LUZP2: variants seen among roughly 807,000 people sequenced by gnomAD.
LUZP2 encodes leucine zipper protein 2.
In LUZP2, 52 loss-of-function variants were observed where a neutral mutation model predicts 51.6. The ratio of observed to expected loss-of-function variants is 1.01; its 90% CI spans 0.81 to 1.27. LUZP2 has a LOEUF of 1.27. LUZP2 is among the 50% of genes most tolerant of loss of function. The pLI is 0.00. For missense variants in LUZP2, 436 were observed against 395.4 expected, an observed-to-expected ratio of 1.10 and a Z score of -0.87; for synonymous variants, 154 against 137.3, an observed-to-expected ratio of 1.12 and a Z score of -0.85.
intron 7 of LUZP2, among the ~76,000 whole-genome samples, chr11:24,963,756 C>T (rs527283032): frequency 1.2e-3 from 178 of 152,224 alleles, no homozygotes; most frequent in African/African-American, 3.6e-3. Flanking sequence ...GGCTCGTGCA[C>T]GGTGCGCTGC....
At chr11:25,031,927 A>T (rs1857700407) in intron 9 of LUZP2, among the ~76,000 whole-genome samples, 1 of 152,138 alleles carries the variant, frequency 6.6e-6, no homozygotes, top group African/African-American at 2.4e-5. Context: ...TAAAATTACC[A>T]ATCAGCTGAT....
intron 5 of LUZP2, among the ~76,000 whole-genome samples, chr11:24,814,763 C>T (rs569490960): frequency 5.7e-4 from 87 of 152,162 alleles, no homozygotes; most frequent in African/African-American, 2.1e-3. Context: ...GAGGCCAAGG[C>T]GGGTGGATCA....
At chr11:24,764,113 C>T (rs1042809210) in intron 5 of LUZP2, among the ~76,000 whole-genome samples, 10 of 152,094 alleles carry the variant, frequency 6.6e-5, no homozygotes, top group South Asian at 2.1e-4. Context: ...TGCTCACATA[C>T]GATTTAAAAC....
chr11:24,972,693 T>G (rs2133898484), intron 7 of LUZP2, among the ~76,000 whole-genome samples: 1 of 152,236 alleles, frequency 6.6e-6, no homozygotes, highest in South Asian at 2.1e-4. Context: ...TGTGGGTTTT[T>G]TTTCTTTAGT....
intron 1 of LUZP2, among the ~76,000 whole-genome samples, chr11:24,650,469 T>C (rs753062570): frequency 1.3e-5 from 2 of 152,002 alleles, no homozygotes; most frequent in Non-Finnish European, 2.9e-5. Flanking sequence ...CTATTTTGTT[T>C]ACATTTTAAA....
chr11:24,882,833 A>G (rs1852519437), intron 5 of LUZP2, among the ~76,000 whole-genome samples: 1 of 151,514 alleles, frequency 6.6e-6, no homozygotes, highest in East Asian at 1.9e-4. Flanking sequence ...GGAGGGAATG[A>G]GAAGGGAGAG....
chr11:24,543,500 A>T (rs1851442186), intron 1 of LUZP2, among the ~76,000 whole-genome samples: 1 of 152,066 alleles, frequency 6.6e-6, no homozygotes, highest in Non-Finnish European at 1.5e-5. Context: ...TTTCCATTTG[A>T]AATATGGCCT....
chr11:24,539,807 A>T (rs539166345), intron 1 of LUZP2, among the ~76,000 whole-genome samples: 205 of 152,208 alleles, frequency 1.3e-3, no homozygotes, highest in African/African-American at 4.7e-3. Context: ...ACATTTAGAA[A>T]CTAGCTTCTG....
intron 1 of LUZP2, among the ~76,000 whole-genome samples, chr11:24,498,673 C>T (rs553237508): frequency 2.0e-5 from 3 of 152,232 alleles, no homozygotes; most frequent in South Asian, 2.1e-4. Flanking sequence ...AAATACAGAG[C>T]CCATTTTAAT....
intron 1 of LUZP2, among the ~76,000 whole-genome samples, chr11:24,612,339 G>A (rs1463501999): frequency 6.6e-6 from 1 of 152,068 alleles, no homozygotes; most frequent in African/African-American, 2.4e-5. Flanking sequence ...AATATTTGTG[G>A]TAGAGGAATA....
chr11:25,039,866 AT>A (rs936475680), intron 9 of LUZP2, among the ~76,000 whole-genome samples: 8 of 152,142 alleles, frequency 5.3e-5, no homozygotes, highest in Non-Finnish European at 1.0e-4. Context: ...GTCCTTTAAA[AT>A]TTTTTTTCAA....
At chr11:24,617,794 C>T (rs185876594) in intron 1 of LUZP2, among the ~76,000 whole-genome samples, 82 of 151,588 alleles carry the variant, frequency 5.4e-4, no homozygotes, top group Admixed American at 3.6e-3. Flanking sequence ...CCACTACACT[C>T]CAGCCTAGGT....
chr11:24,738,126 A>G lies in LUZP2; in HGVS notation c.252-95A>G, dbSNP rs1859010537. 3.7e-6 allele frequency: 3 copies of G among 803,346 alleles called. 1 individual carries two copies. Among genetic ancestry groups the G allele is most frequent in the Admixed American group, 5.2e-5 (2 of 38,140 alleles). 49.8% of individuals were successfully genotyped at this position (803,346 alleles called of 1,614,324 possible). On this transcript the variant is annotated intron_variant, in intron 3 of 11. Coordinates refer to ENST00000336930, the MANE Select transcript of LUZP2 (RefSeq NM_001009909.4). ...GCACTTCTAGTTGTCTATGTCCTAA[A>G]TGTATACAGCAAAGCTCCTTCCTTT... is the stretch of plus-strand genomic sequence containing the variant.
chr11:24,820,540 A>C (rs976466003), intron 5 of LUZP2, among the ~76,000 whole-genome samples: 8 of 152,170 alleles, frequency 5.3e-5, no homozygotes, highest in South Asian at 2.1e-4. Context: ...ACTCATGTGA[A>C]GATGGATTAA....
intron 5 of LUZP2, among the ~76,000 whole-genome samples, chr11:24,901,902 A>G (rs1466277269): frequency 1.3e-5 from 2 of 152,156 alleles, no homozygotes; most frequent in Admixed American, 6.5e-5. Context: ...ATTTGTTTCA[A>G]AAGTCCTGAA....
intron 5 of LUZP2, among the ~76,000 whole-genome samples, chr11:24,784,473 T>C (rs927739652): frequency 2.0e-5 from 3 of 152,026 alleles, no homozygotes; most frequent in African/African-American, 7.2e-5. Context: ...CTTCCATCCT[T>C]TGGAAGTTGC....
chr11:24,527,477 T>C (rs1375935109), intron 1 of LUZP2, among the ~76,000 whole-genome samples: 1 of 151,298 alleles, frequency 6.6e-6, no homozygotes, highest in Admixed American at 6.6e-5. Context: ...GATATGTTTT[T>C]AAATATTTCA....
In LUZP2 at chr11:24,698,131, A is replaced by G. The variant is rs143256774; in HGVS notation, c.63-31038A>G. 3.7e-3 allele frequency among the ~76,000 whole-genome samples: 558 copies of G among 152,262 alleles called. 2 individuals are homozygous for G. The highest frequency in any genetic ancestry group is 0.013 in the African/African-American group (541 of 41,548). ...TCATTCCACTTGGCTGTCTTGTGAT[A>G]ATTAAACTCTTTCTTTTCTGCAACA... is the stretch of plus-strand genomic sequence containing the variant. On this transcript the variant is annotated intron_variant, in intron 1 of 11. Transcript: ENST00000336930.
chr11:24,936,326 C>T (rs1026345172), intron 7 of LUZP2, among the ~76,000 whole-genome samples: 2 of 152,086 alleles, frequency 1.3e-5, no homozygotes, highest in Admixed American at 1.3e-4. Context: ...GGTACCTTAG[C>T]CCCTACCGTT....
Sources: gnomAD v4.1 joint callset for allele counts (sites outside exome capture counted in the v4.1 genomes callset) on GRCh38, gnomAD v4.1.1 for gene constraint, MANE v1.5 for transcripts, NCBI Gene and HGNC (gene_info 2026-07-23, HGNC 2026-07-21) for gene names.